PDE11A: variants seen among roughly 807,000 people sequenced by gnomAD.
PDE11A encodes phosphodiesterase 11A.
PDE11A carries 100 observed loss-of-function variants against 100.5 expected under a neutral mutation model. That is an observed-to-expected ratio of 1.00 (90% confidence interval 0.85 to 1.18). The LOEUF (loss-of-function observed/expected upper bound fraction) is 1.18. Among genes scored for constraint, PDE11A ranks in the 50% most tolerant of loss-of-function variants. PDE11A has a pLI of 0.00. For synonymous variants in PDE11A, 381 were observed against 420.8 expected (o/e 0.91, Z 1.16); for missense variants, 1,141 against 1,152.6 (o/e 0.99, Z 0.15).
chr2:177,831,225 A>C (rs895142424), intron 6 of PDE11A, among the ~76,000 whole-genome samples: 6 of 152,220 alleles, frequency 3.9e-5, no homozygotes, highest in African/African-American at 1.2e-4. Flanking sequence ...CTTGCCCCAT[A>C]GCCCTCTCAG....
At chr2:177,749,489 T>C (rs2081998902) in intron 10 of PDE11A, among the ~76,000 whole-genome samples, 1 of 152,194 alleles carries the variant, frequency 6.6e-6, no homozygotes, top group African/African-American at 2.4e-5. Flanking sequence ...AGGTTAAGTA[T>C]GTCCAAAGTT....
intron 2 of PDE11A, among the ~76,000 whole-genome samples, chr2:178,085,168 TACA>T (rs2105880732): frequency 6.6e-6 from 1 of 152,288 alleles, no homozygotes; most frequent in South Asian, 2.1e-4. Context: ...CAAGTCAACA[TACA>T]GAAATTGGTA....
chr2:177,821,710 T>C (rs2083144160), intron 6 of PDE11A, among the ~76,000 whole-genome samples: 1 of 151,898 alleles, frequency 6.6e-6, no homozygotes, highest in South Asian at 2.1e-4. Flanking sequence ...AATTTGATTA[T>C]CTCTGATGAC....
At chr2:177,747,451 A>C (rs57861845) in intron 10 of PDE11A, among the ~76,000 whole-genome samples, 78 of 152,274 alleles carry the variant, frequency 5.1e-4, no homozygotes, top group African/African-American at 1.8e-3. Context: ...TCACCTCTAC[A>C]TAGAATGGGT....
intron 18 of PDE11A, among the ~76,000 whole-genome samples, chr2:177,669,080 G>A (rs2080633890): frequency 6.6e-6 from 1 of 152,310 alleles, no homozygotes; most frequent in South Asian, 2.1e-4. Flanking sequence ...GATTTGAAAT[G>A]ATTTGCTTTT....
At chr2:177,638,425 TATA>T (rs1239050911) in intron 19 of PDE11A, among the ~76,000 whole-genome samples, 8 of 152,042 alleles carry the variant, frequency 5.3e-5, no homozygotes, top group Non-Finnish European at 1.2e-4. Flanking sequence ...AATATCTAAG[TATA>T]ATAACTATCT....
intron 2 of PDE11A, among the ~76,000 whole-genome samples, chr2:178,012,726 G>C (rs1275130384): frequency 6.6e-6 from 1 of 152,096 alleles, no homozygotes; most frequent in Non-Finnish European, 1.5e-5. Flanking sequence ...AACATAAATG[G>C]AATCAAAGAT....
At chr2:177,922,498 C>A (rs1021008114) in intron 2 of PDE11A, among the ~76,000 whole-genome samples, 42 of 152,006 alleles carry the variant, frequency 2.8e-4, no homozygotes, top group African/African-American at 1.0e-3. Context: ...TAATTAAACA[C>A]CCTCAACCAC....
At chr2:177,698,949 C>A (rs1020901046) in intron 14 of PDE11A, among the ~76,000 whole-genome samples, 12 of 152,166 alleles carry the variant, frequency 7.9e-5, no homozygotes, top group Admixed American at 3.9e-4. Flanking sequence ...CACCCAGAAT[C>A]TCCCAAAGAA....
intron 6 of PDE11A, among the ~76,000 whole-genome samples, chr2:177,823,571 A>C (rs961670320): frequency 2.6e-5 from 4 of 152,194 alleles, no homozygotes; most frequent in African/African-American, 9.6e-5. Flanking sequence ...TAGGGAGATT[A>C]ACTGCCTTGA....
At chr2:177,934,296 CAAAT>C (rs1293354901) in intron 2 of PDE11A, among the ~76,000 whole-genome samples, 2 of 152,076 alleles carry the variant, frequency 1.3e-5, no homozygotes, top group African/African-American at 2.4e-5. Context: ...AAGCAAAAAA[CAAAT>C]AACCCCATTT....
chr2:177,889,195 A>G (rs971671067), intron 4 of PDE11A, among the ~76,000 whole-genome samples: 16 of 152,110 alleles, frequency 1.1e-4, no homozygotes, highest in African/African-American at 3.9e-4. Flanking sequence ...ATAGGGTCAC[A>G]TTTTCTTTCC....
intron 9 of PDE11A, among the ~76,000 whole-genome samples, chr2:177,791,010 C>T (rs1233271923): frequency 6.6e-6 from 1 of 152,160 alleles, no homozygotes; most frequent in African/African-American, 2.4e-5. Flanking sequence ...CTAGAAATAA[C>T]ATTTGACCCA....
chr2:177,839,494 C>T (rs2083454657), intron 6 of PDE11A, among the ~76,000 whole-genome samples: 1 of 152,174 alleles, frequency 6.6e-6, no homozygotes, highest in African/African-American at 2.4e-5. Context: ...ACATGCCTTT[C>T]AAAGTTTTTT....
At chr2:177,697,794 C>T (rs189905528) in intron 14 of PDE11A, among the ~76,000 whole-genome samples, 66 of 152,278 alleles carry the variant, frequency 4.3e-4, no homozygotes, top group Non-Finnish European at 8.2e-4. Context: ...ACATTTCTCC[C>T]CCTAAAATAA....
intron 2 of PDE11A, among the ~76,000 whole-genome samples, chr2:177,939,502 AGGAG>A (rs1553491817): frequency 5.1e-4 from 48 of 93,824 alleles, no homozygotes; most frequent in Admixed American, 9.6e-4. Context: ...GGAGGAGGGA[AGGAG>A]GGAGGGAGGG....
intron 15 of PDE11A, among the ~76,000 whole-genome samples, chr2:177,684,355 G>A (rs1574041631): frequency 6.6e-6 from 1 of 151,800 alleles, no homozygotes; most frequent in African/African-American, 2.4e-5. Flanking sequence ...AACTGAAGTG[G>A]GTGCCAAAAA....
At chr2:177,857,850 T>C (rs574466543) in intron 5 of PDE11A, among the ~76,000 whole-genome samples, 1 of 151,968 alleles carries the variant, frequency 6.6e-6, no homozygotes, top group Non-Finnish European at 1.5e-5. Context: ...AAAGTATATA[T>C]ATTATACCAT....
chr2:177,798,222 G>A (rs1053023146), intron 9 of PDE11A, among the ~76,000 whole-genome samples: 2 of 152,192 alleles, frequency 1.3e-5, no homozygotes, highest in Non-Finnish European at 2.9e-5. Context: ...AAGCAGTTAT[G>A]TCTGACTTTG....
Sources: allele counts gnomAD v4.1 joint callset (sites outside exome capture counted in the v4.1 genomes callset), GRCh38; gene constraint gnomAD v4.1.1; transcripts MANE v1.5; gene names NCBI Gene and HGNC (gene_info 2026-07-23, HGNC 2026-07-21).